Variants in AKT3 observed in about 807,000 individuals in gnomAD.
AKT3 encodes the protein AKT serine/threonine kinase 3.
A neutral mutation model predicts 65.3 loss-of-function variants in AKT3; 15 were observed. The ratio of observed to expected loss-of-function variants is 0.23; its 90% CI spans 0.15 to 0.35. The LOEUF is 0.35. Ranked by LOEUF, AKT3 falls within the 10% of genes least tolerant of loss-of-function variation. The probability of loss-of-function intolerance (pLI) is 1.00; values close to 1 mark genes in which losing one functional copy is unlikely to be tolerated. For missense variants in AKT3, 243 were observed against 576.5 expected (o/e 0.42, Z 5.92); for synonymous variants, 206 against 183.8 (o/e 1.12, Z -0.98).
chr1:243,764,408 T>C (rs554535238), intron 2 of AKT3, among the ~76,000 whole-genome samples: 1 of 152,192 alleles, frequency 6.6e-6, no homozygotes, highest in South Asian at 2.1e-4. Context: ...AAGTACTCAT[T>C]CAATAGTAAT....
intron 2 of AKT3, among the ~76,000 whole-genome samples, chr1:243,714,933 T>C (rs1686408855): frequency 6.6e-6 from 1 of 152,122 alleles, no homozygotes. Flanking sequence ...GTTTACTCAA[T>C]ATAAACTATG....
intron 2 of AKT3, chr1:243,788,835 G>C (rs758609886): frequency 6.6e-6 from 1 of 152,294 alleles, no homozygotes; most frequent in African/African-American, 2.4e-5. Context: ...TTCTTAAAAT[G>C]AGACAATAAA....
Position 243,784,668 on chromosome 1 carries a change from C to T in AKT3, c.46+58457G>A, listed in dbSNP as rs188161720. On this transcript the variant is annotated intron_variant, in intron 2 of 13. Coordinates refer to ENST00000673466, the MANE Select transcript of AKT3 (RefSeq NM_005465.7). ...GATACTGCCAGGTCTCCAGGCACCA[C>T]AATCTCCCTCACGCTGGACACTGCT... Among the ~76,000 whole-genome samples the T allele has an allele frequency of 2.7e-3, 407 of 152,298 alleles. 2 individuals carry two copies. The highest frequency in any genetic ancestry group is 4.2e-3 in the Non-Finnish European group (283 of 68,018).
At chr1:243,815,776 A>AGTTGTTGTT (rs145906932) in intron 2 of AKT3, among the ~76,000 whole-genome samples, 3,785 of 147,278 alleles carry the variant, frequency 0.026, 167 homozygotes, top group African/African-American at 0.088. Flanking sequence ...ACACCCAGCT[A>AGTTGTTGTT]GTTGTTGTTG....
intron 2 of AKT3, among the ~76,000 whole-genome samples, chr1:243,730,973 G>T (rs954797274): frequency 6.6e-6 from 1 of 152,184 alleles, no homozygotes; most frequent in African/African-American, 2.4e-5. Flanking sequence ...TCTGAGCCTG[G>T]TTTGCCCTCA....
At chr1:243,703,076 C>T (rs989983971) in intron 2 of AKT3, 1 of 152,150 alleles carries the variant, frequency 6.6e-6, no homozygotes, top group Non-Finnish European at 1.5e-5. Flanking sequence ...ATGTTAATTT[C>T]AGCATAAAAT....
At chr1:243,768,408 G>A (rs536868994) in intron 2 of AKT3, among the ~76,000 whole-genome samples, 1 of 152,140 alleles carries the variant, frequency 6.6e-6, no homozygotes, top group Admixed American at 6.5e-5. Context: ...GGTCTCTGTT[G>A]AAATATTACT....
At chr1:243,641,897 C>A (rs932893328) in intron 5 of AKT3, among the ~76,000 whole-genome samples, 2 of 152,130 alleles carry the variant, frequency 1.3e-5, no homozygotes, top group African/African-American at 4.8e-5. Context: ...GATTGTGCCA[C>A]TGCACTCCAG....
chr1:243,709,071 T>C (rs1685985838), intron 2 of AKT3, among the ~76,000 whole-genome samples: 1 of 151,918 alleles, frequency 6.6e-6, no homozygotes. Context: ...AGGAAAAGTT[T>C]TCTAGCATTC....
chr1:243,790,720 C>T (rs1691574776), intron 2 of AKT3, among the ~76,000 whole-genome samples: 1 of 152,172 alleles, frequency 6.6e-6, no homozygotes, highest in Non-Finnish European at 1.5e-5. Flanking sequence ...TCTAGCTTTT[C>T]ATTTCCAGAG....
At chr1:243,525,432 G>A (rs573236404) in intron 12 of AKT3, among the ~76,000 whole-genome samples, 1 of 151,798 alleles carries the variant, frequency 6.6e-6, no homozygotes, top group Non-Finnish European at 1.5e-5. Flanking sequence ...ATGCTCTGAT[G>A]ATCTCATGTT....
chr1:243,823,082 C>G (rs975126001), intron 2 of AKT3, among the ~76,000 whole-genome samples: 1 of 152,088 alleles, frequency 6.6e-6, no homozygotes, highest in Non-Finnish European at 1.5e-5. Flanking sequence ...TTACTCACCA[C>G]GATCAAGTCA....
intron 2 of AKT3, among the ~76,000 whole-genome samples, chr1:243,803,273 C>G (rs143910397): frequency 6.6e-6 from 1 of 152,100 alleles, no homozygotes; most frequent in African/African-American, 2.4e-5. Flanking sequence ...CCAGATCTAT[C>G]TGCCTCCAAA....
chr1:243,746,549 A>G (rs1688481851), intron 2 of AKT3, among the ~76,000 whole-genome samples: 1 of 152,196 alleles, frequency 6.6e-6, no homozygotes, highest in Non-Finnish European at 1.5e-5. Flanking sequence ...TCACTTTATC[A>G]ATAAAGAACA....
chr1:243,723,203 CA>C (rs1687017680), intron 2 of AKT3, among the ~76,000 whole-genome samples: 1 of 152,148 alleles, frequency 6.6e-6, no homozygotes, highest in Admixed American at 6.5e-5. Context: ...ACCTCAGTCT[CA>C]CACTCAAATC....
intron 2 of AKT3, among the ~76,000 whole-genome samples, chr1:243,772,507 G>C (rs1690253783): frequency 6.6e-6 from 1 of 152,174 alleles, no homozygotes; most frequent in African/African-American, 2.4e-5. Context: ...ACATCAGTTA[G>C]AATGGCGATC....
At chr1:243,671,185 C>A (rs890626704) in intron 3 of AKT3, among the ~76,000 whole-genome samples, 42 of 150,674 alleles carry the variant, frequency 2.8e-4, no homozygotes, top group African/African-American at 9.8e-4. Flanking sequence ...TCATGCCATT[C>A]TCCTGCCTCA....
At chr1:243,810,658 C>T (rs1693075998) in intron 2 of AKT3, among the ~76,000 whole-genome samples, 1 of 152,156 alleles carries the variant, frequency 6.6e-6, no homozygotes, top group African/African-American at 2.4e-5. Context: ...AAGAGGGAAT[C>T]CTCCCTAACT....
intron 4 of AKT3, among the ~76,000 whole-genome samples, chr1:243,661,107 A>C (rs1234743284): frequency 6.6e-6 from 1 of 152,234 alleles, no homozygotes. Flanking sequence ...AGGAAGAATC[A>C]ATATCGTGAA....
Sources: gnomAD v4.1 joint callset for allele counts (sites outside exome capture counted in the v4.1 genomes callset) on GRCh38, gnomAD v4.1.1 for gene constraint, MANE v1.5 for transcripts, NCBI Gene and HGNC (gene_info 2026-07-23, HGNC 2026-07-21) for gene names.